Variants in IQGAP2 observed in about 807,000 individuals in gnomAD.
IQGAP2 encodes the protein ras GTPase-activating-like protein IQGAP2.
A neutral mutation model predicts 201.3 loss-of-function variants in IQGAP2; 173 were observed. The ratio of observed to expected loss-of-function variants is 0.86; its 90% confidence interval spans 0.76 to 0.98. The LOEUF (loss-of-function observed/expected upper bound fraction) is 0.98. Ranked by LOEUF, IQGAP2 falls within the 50% of genes least tolerant of loss-of-function variation. The probability of loss-of-function intolerance (pLI) is 0.00; values close to 1 mark genes in which losing one functional copy is unlikely to be tolerated. For synonymous variants in IQGAP2, 675 were observed against 673.9 expected (o/e 1.00, Z -0.03); for missense variants, 1,687 against 1,864.8 (o/e 0.90, Z 1.76).
intron 1 of IQGAP2, among the ~76,000 whole-genome samples, chr5:76,408,783 CTTATTTATTTAT>C (rs139211546): frequency 6.6e-6 from 1 of 151,518 alleles, no homozygotes; most frequent in Non-Finnish European, 1.5e-5. Flanking sequence ...CCCAATCTCT[CTTATTTATTTAT>C]TTATTTATTT....
chr5:76,592,967 G>A (rs570937649), intron 9 of IQGAP2, 42 bp downstream of exon 9: 2 of 1,275,564 alleles, frequency 1.6e-6, no homozygotes, highest in African/African-American at 2.9e-5. Context: ...ATTTCCGTAA[G>A]ATACAGACTT....
chr5:76,466,948 A>G (rs772311408), intron 2 of IQGAP2, among the ~76,000 whole-genome samples: 7 of 152,226 alleles, frequency 4.6e-5, no homozygotes, highest in African/African-American at 1.7e-4. Context: ...ACATGTATTC[A>G]GAATATACAA....
intron 2 of IQGAP2, among the ~76,000 whole-genome samples, chr5:76,533,665 C>T (rs1302678652): frequency 2.0e-5 from 3 of 152,036 alleles, no homozygotes; most frequent in South Asian, 2.1e-4. Flanking sequence ...CTCAGCCTCC[C>T]GAGTAGCTGG....
intron 25 of IQGAP2, 45 bp downstream of exon 25, chr5:76,673,634 T>A: frequency 1.3e-6 from 2 of 1,597,920 alleles, no homozygotes; most frequent in Non-Finnish European, 1.7e-6. Context: ...CCTGGAACGT[T>A]CTTGGAATAC....
At chr5:76,428,097 A>G (rs1163855521) in intron 1 of IQGAP2, among the ~76,000 whole-genome samples, 1 of 152,212 alleles carries the variant, frequency 6.6e-6, no homozygotes, top group Non-Finnish European at 1.5e-5. Flanking sequence ...TTGGACTGTT[A>G]GACTCTGAGC....
intron 2 of IQGAP2, among the ~76,000 whole-genome samples, chr5:76,543,550 A>C (rs1428668919): frequency 3.3e-5 from 5 of 152,164 alleles, no homozygotes; most frequent in Non-Finnish European, 5.9e-5. Context: ...CCTCGTTGTC[A>C]CCAAGTCAGT....
chr5:76,677,144 T>C, intron 27 of IQGAP2, 74 bp from the exon 28 acceptor site: 1 of 1,405,180 alleles, frequency 7.1e-7, no homozygotes, highest in Non-Finnish European at 9.8e-7. Flanking sequence ...CATTCAAAAT[T>C]TCCTAGCTAT....
intron 1 of IQGAP2, among the ~76,000 whole-genome samples, chr5:76,435,279 A>G (rs995896826): frequency 2.0e-5 from 3 of 152,080 alleles, no homozygotes; most frequent in Non-Finnish European, 4.4e-5. Flanking sequence ...TGCCTAGGCC[A>G]ATGTTCAAAA....
intron 1 of IQGAP2, among the ~76,000 whole-genome samples, chr5:76,416,613 C>T (rs1442416090): frequency 6.6e-6 from 1 of 151,590 alleles, no homozygotes; most frequent in Non-Finnish European, 1.5e-5. Flanking sequence ...CTGCAGTCTC[C>T]GCCTCCCGTG....
At chr5:76,553,015 A>G (rs1426957110) in intron 2 of IQGAP2, among the ~76,000 whole-genome samples, 2 of 152,222 alleles carry the variant, frequency 1.3e-5, no homozygotes, top group Non-Finnish European at 2.9e-5. Context: ...AGTGAACCAA[A>G]TAAGTTTTGT....
At position 76,686,548 on chromosome 5, in the gene IQGAP2, C is replaced by T. The variant is rs890062662; in HGVS notation, c.3905+2631C>T. Among the ~76,000 whole-genome samples, 22 of 152,058 alleles carry T rather than the reference C, an allele frequency of 1.4e-4. 1 individual carries two copies. Among genetic ancestry groups the T allele is most frequent in the Admixed American group, 1.2e-3 (19 of 15,246 alleles). On this transcript the variant is annotated intron_variant, in intron 30 of 35. Transcript: ENST00000274364. Reference sequence around the variant, plus strand: ...TGTTTGAGACAGCGTCTCGCTCTGTCGCCCAGGCTGGAGTGCAGTGGCATG... The same window carrying T: ...TGTTTGAGACAGCGTCTCGCTCTGTTGCCCAGGCTGGAGTGCAGTGGCATG...
At chr5:76,652,643 A>G in intron 17 of IQGAP2, 107 bp from the exon 18 acceptor site, 1 of 806,274 alleles carries the variant, frequency 1.2e-6, no homozygotes. Flanking sequence ...AGGGTGCCTG[A>G]CAGTGTCCCA....
chr5:76,583,145 A>C (rs1467806012), intron 5 of IQGAP2, among the ~76,000 whole-genome samples: 1 of 152,256 alleles, frequency 6.6e-6, no homozygotes, highest in African/African-American at 2.4e-5. Context: ...GAAGAGCTAC[A>C]TGAGATTGGC....
intron 10 of IQGAP2, among the ~76,000 whole-genome samples, chr5:76,600,128 A>C (rs977664525): frequency 2.6e-5 from 4 of 152,166 alleles, no homozygotes; most frequent in Non-Finnish European, 4.4e-5. Flanking sequence ...AGCCTGGGCA[A>C]CAAGAGCCAA....
chr5:76,627,764 C>CT (rs1406908973), intron 14 of IQGAP2, among the ~76,000 whole-genome samples: 1 of 152,108 alleles, frequency 6.6e-6, no homozygotes, highest in Non-Finnish European at 1.5e-5. Context: ...GAATAAAATT[C>CT]TTTTTTTCTC....
chr5:76,484,815 TC>T (rs1756014175), intron 2 of IQGAP2, among the ~76,000 whole-genome samples: 7 of 151,590 alleles, frequency 4.6e-5, no homozygotes, highest in African/African-American at 9.7e-5. Flanking sequence ...TCTCTCTCTC[TC>T]TCTCTTTTTG....
At chr5:76,673,214 GC>G (rs900597728) in intron 24 of IQGAP2, among the ~76,000 whole-genome samples, 4 of 152,254 alleles carry the variant, frequency 2.6e-5, no homozygotes, top group Admixed American at 2.6e-4. Flanking sequence ...ACCTGGGTCT[GC>G]CTCTTATCTT....
At chr5:76,650,733 A>T (rs942865747) in intron 17 of IQGAP2, among the ~76,000 whole-genome samples, 4 of 152,140 alleles carry the variant, frequency 2.6e-5, no homozygotes, top group Non-Finnish European at 5.9e-5. Flanking sequence ...CTAACTCGTC[A>T]TTTACATTAG....
chr5:76,689,951 A>G (rs1459932087), intron 30 of IQGAP2, among the ~76,000 whole-genome samples: 1 of 152,212 alleles, frequency 6.6e-6, no homozygotes, highest in Non-Finnish European at 1.5e-5. Context: ...CAAGCGCCGT[A>G]TGGGCTCATT....
Sources: gnomAD v4.1 joint callset for allele counts (sites outside exome capture counted in the v4.1 genomes callset) on GRCh38, gnomAD v4.1.1 for gene constraint, MANE v1.5 for transcripts, NCBI Gene and HGNC (gene_info 2026-07-23, HGNC 2026-07-21) for gene names.